PPP1R21: variants seen among roughly 807,000 people sequenced by gnomAD.
The protein encoded by PPP1R21 is KLRAQ motif containing 1.
A neutral mutation model predicts 112.8 loss-of-function variants in PPP1R21; 85 were observed. That is an observed-to-expected ratio of 0.75 (90% CI 0.63 to 0.90). The LOEUF is 0.90. Ranked by LOEUF, PPP1R21 falls within the 40% of genes least tolerant of loss-of-function variation. PPP1R21 has a pLI of 0.00. For synonymous variants in PPP1R21, 381 were observed against 322.3 expected (o/e 1.18, Z -1.95); for missense variants, 1,199 against 901.5 (o/e 1.33, Z -4.23).
intron 12 of PPP1R21, 98 bp downstream of exon 12, chr2:48,474,917 T>A: frequency 9.7e-7 from 1 of 1,026,348 alleles, no homozygotes; most frequent in Non-Finnish European, 1.4e-6. Flanking sequence ...GAGAGGAGCA[T>A]AGGATCTGGC....
intron 16 of PPP1R21, among the ~76,000 whole-genome samples, chr2:48,497,887 G>A (rs1392230645): frequency 1.3e-5 from 2 of 151,922 alleles, no homozygotes; most frequent in Non-Finnish European, 2.9e-5. Context: ...TCCTGACCTC[G>A]TGATCAGCCC....
rs1666979490 is a variant in PPP1R21, at chr2:48,440,826, C to T, written c.-128C>T. ...GGAGGAGGAGGCGCGGCGGCGGCGG[C>T]GGCGGCGGCTGCGGTGGCCAAGCAG... On this transcript the variant is annotated 5_prime_UTR_variant, in exon 1 of 22. Transcript: ENST00000294952. 5.9e-6 allele frequency: 4 copies of T among 681,844 alleles called. No individual in the cohort carries two copies. The highest frequency in any genetic ancestry group is 7.6e-6 in the Non-Finnish European group (3 of 395,700). The allele number at this position is 681,844 out of a possible 1,614,324, so 42.2% of individuals were successfully genotyped here. A position where few individuals can be genotyped will look rare whatever the true frequency, so the allele number is the denominator to read the frequency against.
intron 12 of PPP1R21, chr2:48,479,398 T>G: frequency 2.2e-6 from 1 of 445,332 alleles, no homozygotes; most frequent in East Asian, 7.1e-5. Context: ...TTGTTACAGA[T>G]TTTCTTGAGT....
intron 12 of PPP1R21, among the ~76,000 whole-genome samples, chr2:48,477,887 C>T (rs903439695): frequency 2.0e-5 from 3 of 152,078 alleles, no homozygotes; most frequent in Non-Finnish European, 4.4e-5. Flanking sequence ...TATGTGTGAT[C>T]TCCTGTGGAG....
intron 13 of PPP1R21, among the ~76,000 whole-genome samples, chr2:48,485,651 G>C (rs1321484647): frequency 2.0e-5 from 3 of 151,336 alleles, no homozygotes; most frequent in African/African-American, 7.3e-5. Context: ...CTCATTCATG[G>C]ACCATAGTAA....
intron 8 of PPP1R21, among the ~76,000 whole-genome samples, chr2:48,465,190 C>T (rs77810811): frequency 0.019 from 2,923 of 152,232 alleles, 79 homozygotes; most frequent in African/African-American, 0.064. Context: ...TTGCTATCTC[C>T]CTTGTCTGAT....
At chr2:48,497,919 G>A (rs1387017524) in intron 16 of PPP1R21, among the ~76,000 whole-genome samples, 1 of 151,810 alleles carries the variant, frequency 6.6e-6, no homozygotes, top group Non-Finnish European at 1.5e-5. Flanking sequence ...CTAAAGTGCT[G>A]GGATTACAGT....
intron 21 of PPP1R21, 35 bp from the exon 22 acceptor site, chr2:48,514,680 T>G: frequency 6.9e-7 from 1 of 1,443,904 alleles, no homozygotes; most frequent in Non-Finnish European, 9.7e-7. Context: ...TTTTTTATGT[T>G]TATGTTCTTA....
intron 12 of PPP1R21, among the ~76,000 whole-genome samples, chr2:48,475,125 G>A (rs542018617): frequency 6.6e-6 from 1 of 152,282 alleles, no homozygotes; most frequent in South Asian, 2.1e-4. Flanking sequence ...GGCTGAGGTG[G>A]GAGGATGGCT....
In PPP1R21 at chr2:48,499,133, G is replaced by C. The variant is rs184411883; in HGVS notation, c.1935+398G>C. The stretch of plus-strand genomic sequence containing the variant: ...AGTTTCAACGTAGGATATTGGGGGT[G>C]GGGGGGGACACAAACACGCAGGCCA... On this transcript the variant is annotated intron_variant, in intron 17 of 21. Coordinates refer to ENST00000294952, the MANE Select transcript of PPP1R21 (RefSeq NM_001135629.3). Among the ~76,000 whole-genome samples the C allele has an allele frequency of 2.3e-3, 294 of 128,326 alleles. 2 individuals are homozygous for C. The highest frequency in any genetic ancestry group is 4.5e-3 in the Admixed American group (61 of 13,552). The allele number at this position is 128,326 out of a possible 152,430, so 84.2% of individuals were successfully genotyped here.
intron 1 of PPP1R21, among the ~76,000 whole-genome samples, chr2:48,446,882 C>G (rs899532965): frequency 6.6e-6 from 1 of 152,144 alleles, no homozygotes; most frequent in Non-Finnish European, 1.5e-5. Flanking sequence ...TCCTGAGTAG[C>G]TGGGATTACA....
At chr2:48,479,637 C>G (rs1038161890) in intron 12 of PPP1R21, 4 of 590,516 alleles carry the variant, frequency 6.8e-6, no homozygotes, top group African/African-American at 1.8e-5. Context: ...TAAACATTCA[C>G]AAAGACTTTC....
chr2:48,440,769 C>T lies in PPP1R21; in HGVS notation c.-185C>T. The stretch of plus-strand genomic sequence containing the variant: ...TGGTCGCTCCGCCCCCGGCCCCACT[C>T]CACCTTCCTCCCACCCCGGGAACCC... On this transcript the variant is annotated 5_prime_UTR_variant, in exon 1 of 22. Coordinates refer to ENST00000294952, the MANE Select transcript of PPP1R21 (RefSeq NM_001135629.3). 1 of 604,646 alleles carries T rather than the reference C, an allele frequency of 1.7e-6. No individual in the cohort carries two copies. 37.5% of individuals were successfully genotyped at this position (604,646 alleles called of 1,614,324 possible).
At chr2:48,444,934 T>C (rs997206745) in intron 1 of PPP1R21, among the ~76,000 whole-genome samples, 1 of 152,044 alleles carries the variant, frequency 6.6e-6, no homozygotes, top group African/African-American at 2.4e-5. Flanking sequence ...CAGTTTACTT[T>C]GCAATTGATG....
At chr2:48,486,835 A>G in intron 14 of PPP1R21, 77 bp downstream of exon 14, 1 of 1,492,152 alleles carries the variant, frequency 6.7e-7, no homozygotes, top group Non-Finnish European at 9.1e-7. Context: ...AGGAAAATGG[A>G]TCTGTAAAAG....
Position 48,514,889 on chromosome 2 carries a change from C to T in PPP1R21, c.*145C>T, listed in dbSNP as rs570386835. 1.0e-4 allele frequency: 70 copies of T among 697,648 alleles called. No individual in the cohort carries two copies. In the African/African-American group the frequency reaches 1.1e-3, roughly 11 times the overall value. 43.2% of individuals were successfully genotyped at this position (697,648 alleles called of 1,614,324 possible). ...GTAAACTAGTCAGTGTTGGAAACGG[C>T]CTTGAAATATTTAAAACATATTTGT... On this transcript the variant is annotated 3_prime_UTR_variant, in exon 22 of 22. Coordinates refer to ENST00000294952, the MANE Select transcript of PPP1R21 (RefSeq NM_001135629.3).
chr2:48,505,497 G>C (rs1429576852), intron 17 of PPP1R21, 67 bp from the exon 18 acceptor site: 3 of 1,167,526 alleles, frequency 2.6e-6, no homozygotes, highest in Non-Finnish European at 3.8e-6. Context: ...AATATTAAAA[G>C]CGTTTGATCT....
intron 4 of PPP1R21, 44 bp from the exon 5 acceptor site, chr2:48,459,710 A>G (rs746600948): frequency 1.3e-6 from 2 of 1,590,246 alleles, no homozygotes; most frequent in Non-Finnish European, 1.7e-6. Context: ...TCATTTATGT[A>G]TATTAGGATA....
At chr2:48,453,731 C>G (rs1481382539) in intron 2 of PPP1R21, among the ~76,000 whole-genome samples, 3 of 152,122 alleles carry the variant, frequency 2.0e-5, no homozygotes, top group Non-Finnish European at 2.9e-5. Flanking sequence ...TTTCTATTGT[C>G]ATTTAGCTTT....
Sources: gnomAD v4.1 joint callset for allele counts (sites outside exome capture counted in the v4.1 genomes callset) on GRCh38, gnomAD v4.1.1 for gene constraint, MANE v1.5 for transcripts, NCBI Gene and HGNC (gene_info 2026-07-23, HGNC 2026-07-21) for gene names.